CTNNA3: variants seen among roughly 807,000 people sequenced by gnomAD.
CTNNA3 encodes catenin alpha 3.
Under a neutral mutation model 95.7 loss-of-function variants are expected in CTNNA3, and 76 were observed. The ratio of observed to expected loss-of-function variants is 0.79; its 90% CI spans 0.66 to 0.96. The LOEUF (loss-of-function observed/expected upper bound fraction) is 0.96. Ranked by LOEUF, CTNNA3 falls within the 40% of genes least tolerant of loss-of-function variation. CTNNA3 has a pLI of 0.00. For synonymous variants in CTNNA3, 431 were observed against 374.4 expected, an observed-to-expected ratio of 1.15 and a Z score of -1.74; for missense variants, 1,191 against 1,089.8, an observed-to-expected ratio of 1.09 and a Z score of -1.31.
intron 5 of CTNNA3, among the ~76,000 whole-genome samples, chr10:67,336,564 A>G (rs1479310975): frequency 1.3e-5 from 2 of 152,214 alleles, no homozygotes; most frequent in Non-Finnish European, 2.9e-5. Flanking sequence ...TAAACAACAG[A>G]TTTTCAGTGT....
At chr10:66,059,702 T>C (rs1287861677) in intron 15 of CTNNA3, among the ~76,000 whole-genome samples, 2 of 152,076 alleles carry the variant, frequency 1.3e-5, no homozygotes, top group Non-Finnish European at 2.9e-5. Flanking sequence ...CAGTACCTAA[T>C]ATTCAGCAGA....
At chr10:66,360,722 TC>T (rs2092656906) in intron 12 of CTNNA3, among the ~76,000 whole-genome samples, 1 of 37,222 alleles carries the variant, frequency 2.7e-5, no homozygotes. Context: ...CTTCCTTTCT[TC>T]CTTTCTTTCT....
intron 1 of CTNNA3, among the ~76,000 whole-genome samples, chr10:67,677,461 C>A (rs1303762959): frequency 6.6e-6 from 1 of 152,128 alleles, no homozygotes; most frequent in Non-Finnish European, 1.5e-5. Flanking sequence ...ACCTTATCTA[C>A]TTCATGAATT....
intron 7 of CTNNA3, among the ~76,000 whole-genome samples, chr10:66,862,748 T>C (rs183365506): frequency 1.1e-4 from 17 of 152,264 alleles, no homozygotes; most frequent in Admixed American, 5.9e-4. Flanking sequence ...AGAACAATGG[T>C]TCCCAGCTGT....
chr10:67,027,323 T>G (rs1222190122), intron 7 of CTNNA3, among the ~76,000 whole-genome samples: 5 of 152,186 alleles, frequency 3.3e-5, no homozygotes, highest in Non-Finnish European at 7.3e-5. Flanking sequence ...CATCTGACAT[T>G]CAACTGACAT....
intron 5 of CTNNA3, among the ~76,000 whole-genome samples, chr10:67,288,668 C>G (rs1420170812): frequency 6.6e-6 from 1 of 152,142 alleles, no homozygotes; most frequent in African/African-American, 2.4e-5. Context: ...ATCAAAAGAT[C>G]CAAGCACTAA....
At chr10:66,119,700 A>C (rs2133811676) in intron 13 of CTNNA3, among the ~76,000 whole-genome samples, 1 of 152,256 alleles carries the variant, frequency 6.6e-6, no homozygotes, top group Admixed American at 6.5e-5. Context: ...AAGACAGGAT[A>C]ATTAGGTTCT....
At chr10:66,149,095 A>C (rs1054147056) in intron 13 of CTNNA3, among the ~76,000 whole-genome samples, 3 of 150,342 alleles carry the variant, frequency 2.0e-5, no homozygotes, top group Non-Finnish European at 4.4e-5. Context: ...ACTATATAGT[A>C]AAATTATGTG....
chr10:65,948,514 C>T (rs894395203), intron 17 of CTNNA3, among the ~76,000 whole-genome samples: 9 of 151,770 alleles, frequency 5.9e-5, no homozygotes, highest in Admixed American at 5.9e-4. Flanking sequence ...AAAGAGACAA[C>T]TTAATGCACT....
intron 11 of CTNNA3, among the ~76,000 whole-genome samples, chr10:66,481,831 G>A (rs1397736993): frequency 6.6e-6 from 1 of 152,098 alleles, no homozygotes; most frequent in Non-Finnish European, 1.5e-5. Context: ...ATCACGACAT[G>A]GTAGGAACGA....
chr10:66,628,822 T>C (rs567630408), intron 9 of CTNNA3, among the ~76,000 whole-genome samples: 1 of 152,188 alleles, frequency 6.6e-6, no homozygotes, highest in South Asian at 2.1e-4. Flanking sequence ...TACTTTGAGT[T>C]TGAGTTGCCA....
At chr10:66,082,042 C>A (rs10996883) in intron 14 of CTNNA3, among the ~76,000 whole-genome samples, 16,684 of 151,924 alleles carry the variant, frequency 0.11, 1,229 homozygotes, top group Non-Finnish European at 0.16. Flanking sequence ...CGCTTGAACC[C>A]GGGAGGCTGA....
Position 67,647,424 on chromosome 10 carries a change from G to T in CTNNA3, c.90C>A (p.Leu30=). 1 of 1,611,528 alleles carries T rather than the reference G, an allele frequency of 6.2e-7. No individual in the cohort carries two copies. Among genetic ancestry groups the T allele is most frequent in the Non-Finnish European group, 8.5e-7 (1 of 1,178,184 alleles). ...TFTVEKLLEP[L]IIQVTTLVNC... is the part of the protein sequence containing the mutation. ...TCCATGGTATTAATACCTGGATTAT[G>T]AGAGGCTCCAGTAGCTTCTCCACGG... The change falls in exon 2 of 18, where the codon CTC becomes CTA. Residue 30 remains leucine (L), a synonymous_variant. Transcript: ENST00000433211.
At chr10:66,744,497 T>C (rs1000714293) in intron 9 of CTNNA3, among the ~76,000 whole-genome samples, 1 of 152,052 alleles carries the variant, frequency 6.6e-6, no homozygotes, top group Non-Finnish European at 1.5e-5. Context: ...GACATTGGGG[T>C]TGTCCTGTCT....
intron 5 of CTNNA3, among the ~76,000 whole-genome samples, chr10:67,422,554 A>G (rs1705463843): frequency 6.6e-6 from 1 of 152,104 alleles, no homozygotes; most frequent in African/African-American, 2.4e-5. Flanking sequence ...ATCTCATGTC[A>G]AATTAGAGGA....
intron 11 of CTNNA3, among the ~76,000 whole-genome samples, chr10:66,411,540 A>G (rs1212593228): frequency 6.6e-6 from 1 of 152,044 alleles, no homozygotes; most frequent in East Asian, 1.9e-4. Context: ...AATAAATTTA[A>G]CAAATATTTA....
intron 1 of CTNNA3, among the ~76,000 whole-genome samples, chr10:67,681,836 A>T (rs1840630786): frequency 6.6e-6 from 1 of 152,156 alleles, no homozygotes; most frequent in Non-Finnish European, 1.5e-5. Flanking sequence ...CAAAAAGCTA[A>T]TTTGCTTAAT....
chr10:67,028,181 T>C (rs1853506874), intron 7 of CTNNA3, among the ~76,000 whole-genome samples: 2 of 152,342 alleles, frequency 1.3e-5, no homozygotes, highest in Admixed American at 6.5e-5. Context: ...AACCTTTTCT[T>C]TTCACTGGAG....
intron 5 of CTNNA3, among the ~76,000 whole-genome samples, chr10:67,435,476 C>T (rs1439447195): frequency 6.6e-6 from 1 of 151,872 alleles, no homozygotes; most frequent in East Asian, 1.9e-4. Flanking sequence ...CTAGCGAGAG[C>T]AATCAGACAA....
Sources: gnomAD v4.1 joint callset for allele counts (sites outside exome capture counted in the v4.1 genomes callset) on GRCh38, gnomAD v4.1.1 for gene constraint, MANE v1.5 for transcripts, NCBI Gene and HGNC (gene_info 2026-07-23, HGNC 2026-07-21) for gene names.